Variants in ZFP69 observed in about 807,000 individuals in gnomAD.
ZFP69 encodes the protein ZFP69 zinc finger protein, also known as zinc finger protein 69 homolog.
ZFP69 carries 35 observed loss-of-function variants against 48.9 expected under a neutral mutation model. That is an observed-to-expected ratio of 0.72 (90% CI 0.55 to 0.95). The LOEUF (loss-of-function observed/expected upper bound fraction) is 0.95. ZFP69 is among the 40% of genes least tolerant of loss of function. The pLI is 0.00. For synonymous variants in ZFP69, 193 were observed against 216.8 expected, an observed-to-expected ratio of 0.89 and a Z score of 0.96; for missense variants, 557 against 638.4, an observed-to-expected ratio of 0.87 and a Z score of 1.37.
At position 40,489,599 on chromosome 1, in the gene ZFP69, A is replaced by G. The variant is rs148845197; in HGVS notation, c.417A>G (p.Lys139=). ...EKGEEPWMAE[K]EGPGDPSSDL... The stretch of plus-strand genomic sequence containing the variant: ...GAGAAGAGCCATGGATGGCAGAGAA[A>G]GAAGGCCCAGGAGATCCCAGTTCAG... The change falls in exon 5 of 6, where the codon AAA becomes AAG. Residue 139 remains lysine (K), a synonymous_variant. Coordinates refer to ENST00000372706, the MANE Select transcript of ZFP69 (RefSeq NM_001320179.2). The G allele has an allele frequency of 3.1e-4, 493 of 1,613,826 alleles. 3 individuals carry two copies. In the African/African-American group the frequency reaches 4.9e-3, roughly 16 times the overall value.
chr1:40,489,263 G>A (rs2124454051), intron 4 of ZFP69, 49 bp downstream of exon 4: 2 of 1,593,282 alleles, frequency 1.3e-6, no homozygotes, highest in African/African-American at 2.7e-5. Flanking sequence ...TTACAGGAGA[G>A]TCATTATTTT....
intron 4 of ZFP69, 153 bp from the exon 5 acceptor site, chr1:40,489,376 C>G: frequency 8.7e-7 from 1 of 1,146,384 alleles, no homozygotes; most frequent in Non-Finnish European, 1.2e-6. Context: ...ATTTGACTTT[C>G]TTGGGGAACA....
rs1645598717 is a variant in ZFP69, at chr1:40,494,255, A to ATTTTTTT, written c.443-666_443-665insTTTTTTT. 5.6e-3 allele frequency among the ~76,000 whole-genome samples: 698 copies of ATTTTTTT among 123,670 alleles called. 67 individuals carry two copies. Among genetic ancestry groups the ATTTTTTT allele is most frequent in the African/African-American group, 7.5e-3 (238 of 31,568 alleles). 81.1% of individuals were successfully genotyped at this position (123,670 alleles called of 152,430 possible). On this transcript the variant is annotated intron_variant, in intron 5 of 5. Transcript: ENST00000372706. ...ATTAGAGCAGGACTAAAAGATTCAA[A>ATTTTTTT]ATTTTTTTTTTTTTTTTTTTTTTTT...
At chr1:40,479,581 G>C in intron 2 of ZFP69, 93 bp downstream of exon 2, 14 of 1,406,236 alleles carry the variant, frequency 1.0e-5, no homozygotes, top group African/African-American at 1.5e-5. Context: ...GAAGGAGGGA[G>C]AGAAGGTCTC....
intron 3 of ZFP69, among the ~76,000 whole-genome samples, chr1:40,483,226 A>ATTTTTTTTTTTCTTTTT (rs1645460397): frequency 8.5e-6 from 1 of 116,980 alleles, no homozygotes; most frequent in Non-Finnish European, 1.7e-5. Context: ...ACCTTTTTTA[A>ATTTTTTTTTTTCTTTTT]TTTTTTTTTT....
intron 2 of ZFP69, among the ~76,000 whole-genome samples, chr1:40,480,863 A>C (rs1570014753): frequency 6.6e-6 from 1 of 152,242 alleles, no homozygotes; most frequent in South Asian, 2.1e-4. Context: ...TCAGTTAAGG[A>C]AAGTCCAGAA....
Position 40,495,959 on chromosome 1 carries a change from C to A in ZFP69, c.1481C>A (p.Pro494His), listed in dbSNP as rs752457187. The A allele has an allele frequency of 6.2e-6, 10 of 1,614,166 alleles. No homozygotes were observed. Among genetic ancestry groups the A allele is most frequent in the Non-Finnish European group, 8.5e-6 (10 of 1,180,042 alleles). Residue 494 changes from proline to histidine, a missense_variant, in exon 6 of 6, where the codon CCT (proline) becomes CAT (histidine). Coordinates refer to ENST00000372706, the MANE Select transcript of ZFP69 (RefSeq NM_001320179.2). ...KHQRHHTGEK[P>H]YECNECGKAF... The stretch of plus-strand genomic sequence containing the variant: ...CAGAGACATCACACTGGAGAAAAAC[C>A]TTACGAATGTAACGAATGTGGAAAA...
chr1:40,484,893 T>TC lies in ZFP69; in HGVS notation c.219+3039_219+3040insC, dbSNP rs2124446002. Among the ~76,000 whole-genome samples the TC allele has an allele frequency of 2.3e-5, 3 of 128,968 alleles. 1 individual carries two copies. In the South Asian group the frequency reaches 8.1e-4, roughly 35 times the overall value. The allele number at this position is 128,968 out of a possible 152,430, so 84.6% of individuals were successfully genotyped here. On this transcript the variant is annotated intron_variant, in intron 3 of 5. Coordinates refer to ENST00000372706, the MANE Select transcript of ZFP69 (RefSeq NM_001320179.2). Reference sequence around the variant, plus strand: ...ACTGCGCCTGGCCTGCTTTTTTTTTTTTTTTTTTTTTTTTTTGATATGGAG... The same window carrying TC: ...ACTGCGCCTGGCCTGCTTTTTTTTTTCTTTTTTTTTTTTTTTTGATATGGAG...
chr1:40,484,789 G>A (rs930799449), intron 3 of ZFP69, among the ~76,000 whole-genome samples: 2 of 149,192 alleles, frequency 1.3e-5, no homozygotes, highest in South Asian at 4.2e-4. Context: ...TACTGTGTTA[G>A]CCAGGATGGT....
At chr1:40,491,845 C>G (rs1001606402) in intron 5 of ZFP69, among the ~76,000 whole-genome samples, 2 of 148,686 alleles carry the variant, frequency 1.3e-5, no homozygotes, top group African/African-American at 5.0e-5. Flanking sequence ...GATAATAATC[C>G]TTGATAGCTT....
intron 3 of ZFP69, among the ~76,000 whole-genome samples, chr1:40,486,925 A>ATTTT (rs557530908): frequency 1.5e-5 from 2 of 135,406 alleles, no homozygotes; most frequent in African/African-American, 5.4e-5. Flanking sequence ...TTTACAGTTG[A>ATTTT]TTTTTTTTTT....
rs753568695 is a variant in ZFP69 at position 40,481,831 on chromosome 1, G to A, written c.196G>A (p.Gly66Arg). The A allele has an allele frequency of 1.2e-5, 19 of 1,612,988 alleles. No individual in the cohort carries two copies. In the East Asian group the frequency reaches 3.6e-4, roughly 30 times the overall value. Reference sequence around the variant, plus strand: ...AAGTTTAGAGGATGAAGTGACCCCTGGACTCCCGACAGCAGAATCCCAGGT... The same window carrying A: ...AAGTTTAGAGGATGAAGTGACCCCTAGACTCCCGACAGCAGAATCCCAGGT... ...RESLEDEVTP[G>R]LPTAESQELL... Residue 66 changes from glycine to arginine, a missense_variant, in exon 3 of 6, where the codon GGA (glycine) becomes AGA (arginine). Physicochemically the swap from Gly to Arg is moderately radical, Grantham distance 125. Transcript: ENST00000372706.
chr1:40,478,110 C>T (rs910589326), intron 1 of ZFP69, among the ~76,000 whole-genome samples: 2 of 137,760 alleles, frequency 1.5e-5, no homozygotes, highest in Non-Finnish European at 3.2e-5. Flanking sequence ...CAGCTCCTGT[C>T]TCTGCATATA....
chr1:40,489,901 C>T (rs1412660997), intron 5 of ZFP69, among the ~76,000 whole-genome samples: 1 of 143,806 alleles, frequency 7.0e-6, no homozygotes, highest in Admixed American at 7.1e-5. Context: ...GACAGAGTCT[C>T]GCACTGTCGC....
intron 5 of ZFP69, 142 bp from the exon 6 acceptor site, chr1:40,494,779 C>A: frequency 2.0e-6 from 1 of 492,072 alleles, no homozygotes; most frequent in Non-Finnish European, 3.3e-6. Context: ...TTCTTAATTT[C>A]CTTTCCCATT....
In ZFP69 at chr1:40,479,157, G is replaced by C. The variant is rs1645419167; in HGVS notation, c.-205G>C. On this transcript the variant is annotated 5_prime_UTR_variant, in exon 2 of 6. An upstream open reading frame in the 5' UTR loses its in-frame stop. Coordinates refer to ENST00000372706, the MANE Select transcript of ZFP69 (RefSeq NM_001320179.2). ...TGGCTGCCTCCCAAAGAAAGTGCTT[G>C]ATTTAAAGGGGAGTTTGTTTTCCAG... 1 of 564,148 alleles carries C rather than the reference G, an allele frequency of 1.8e-6. No homozygotes were observed. The highest frequency in any genetic ancestry group is 3.1e-6 in the Non-Finnish European group (1 of 321,684). The allele number at this position is 564,148 out of a possible 1,614,324, so 34.9% of individuals were successfully genotyped here.
intron 2 of ZFP69, among the ~76,000 whole-genome samples, chr1:40,480,917 T>G (rs1645437287): frequency 6.6e-6 from 1 of 152,164 alleles, no homozygotes; most frequent in Admixed American, 6.5e-5. Context: ...TCAAGAAGAT[T>G]TGGACTTCAA....
chr1:40,481,495 GA>G (rs1186509419), intron 2 of ZFP69, among the ~76,000 whole-genome samples: 1 of 152,130 alleles, frequency 6.6e-6, no homozygotes, highest in African/African-American at 2.4e-5. Flanking sequence ...GAGTTTTTTG[GA>G]GGGGGGAGTG....
Position 40,481,824 on chromosome 1 carries a change from G to T in ZFP69, c.189G>T (p.Val63=), listed in dbSNP as rs752945765. The change falls in exon 3 of 6, where the codon GTG becomes GTT. Residue 63 remains valine, a synonymous_variant. Transcript: ENST00000372706. The part of the protein sequence containing the change: ...KTQRESLEDE[V]TPGLPTAESQ... ...AGAGAGAAAGTTTAGAGGATGAAGTGACCCCTGGACTCCCGACAGCAGAAT... is the reference window on the plus strand; with the variant it reads ...AGAGAGAAAGTTTAGAGGATGAAGTTACCCCTGGACTCCCGACAGCAGAAT... 8.1e-6 allele frequency: 13 copies of T among 1,613,264 alleles called. No homozygotes were observed. The South Asian group carries it at 1.4e-4, about 18-fold the overall frequency.
Sources: allele counts gnomAD v4.1 joint callset (sites outside exome capture counted in the v4.1 genomes callset), GRCh38; gene constraint gnomAD v4.1.1; transcripts MANE v1.5; gene names NCBI Gene and HGNC (gene_info 2026-07-23, HGNC 2026-07-21).